The following CTNNA3 variants were observed in gnomAD, a reference collection of about 807,000 sequenced individuals.
CTNNA3 encodes catenin alpha 3, also known as catenin alpha-3.
Under a neutral mutation model 95.7 loss-of-function variants are expected in CTNNA3, and 76 were observed. The ratio of observed to expected loss-of-function variants is 0.79; its 90% CI spans 0.66 to 0.96. CTNNA3 has a LOEUF of 0.96. Ranked by LOEUF, CTNNA3 falls within the 40% of genes least tolerant of loss-of-function variation. The pLI is 0.00. For missense variants in CTNNA3, 1,191 were observed against 1,089.8 expected, an observed-to-expected ratio of 1.09 and a Z score of -1.31; for synonymous variants, 431 against 374.4, an observed-to-expected ratio of 1.15 and a Z score of -1.74.
At chr10:66,663,676 G>A (rs1405575408) in intron 9 of CTNNA3, among the ~76,000 whole-genome samples, 2 of 152,050 alleles carry the variant, frequency 1.3e-5, no homozygotes, top group Non-Finnish European at 2.9e-5. Flanking sequence ...TCTATTGCTA[G>A]TGTTGAAAGA....
At chr10:66,780,250 C>T (rs980080454) in intron 7 of CTNNA3, among the ~76,000 whole-genome samples, 10 of 151,936 alleles carry the variant, frequency 6.6e-5, no homozygotes, top group Admixed American at 2.0e-4. Context: ...TATATCAAAC[C>T]GGCTGTGGAG....
At chr10:66,599,420 G>T (rs1843839492) in intron 10 of CTNNA3, among the ~76,000 whole-genome samples, 1 of 151,938 alleles carries the variant, frequency 6.6e-6, no homozygotes. Flanking sequence ...AGACAGTTTT[G>T]CAGTCATGGC....
intron 2 of CTNNA3, among the ~76,000 whole-genome samples, chr10:67,632,126 C>CCACACACACACACACA (rs71006156): frequency 2.9e-4 from 41 of 139,066 alleles, no homozygotes; most frequent in African/African-American, 1.1e-3. Context: ...AGTGTCTTAG[C>CCACACACACACACACA]CACACACACA....
intron 9 of CTNNA3, among the ~76,000 whole-genome samples, chr10:66,759,452 A>G (rs559214361): frequency 4.6e-5 from 7 of 152,258 alleles, no homozygotes; most frequent in South Asian, 2.1e-4. Flanking sequence ...ACATTTCAAG[A>G]TTTTCTATGG....
chr10:67,692,138 G>A (rs1840876699), intron 1 of CTNNA3, among the ~76,000 whole-genome samples: 1 of 151,302 alleles, frequency 6.6e-6, no homozygotes, highest in African/African-American at 2.4e-5. Context: ...CCCCTGCCCG[G>A]CCAGCCGCCC....
At chr10:65,936,585 T>C (rs1447688150) in intron 17 of CTNNA3, among the ~76,000 whole-genome samples, 1 of 152,104 alleles carries the variant, frequency 6.6e-6, no homozygotes, top group Non-Finnish European at 1.5e-5. Context: ...TATTTCCAAT[T>C]GCCTTTTGGA....
intron 1 of CTNNA3, among the ~76,000 whole-genome samples, chr10:67,708,406 T>C (rs1172458993): frequency 2.0e-5 from 3 of 152,170 alleles, no homozygotes; most frequent in South Asian, 2.1e-4. Context: ...CCATCTTGTA[T>C]TGATGGTTCT....
chr10:65,944,525 G>A (rs1238363158), intron 17 of CTNNA3, among the ~76,000 whole-genome samples: 1 of 152,212 alleles, frequency 6.6e-6, no homozygotes, highest in African/African-American at 2.4e-5. Context: ...ATGAACCATG[G>A]ATGAGCATAA....
intron 11 of CTNNA3, among the ~76,000 whole-genome samples, chr10:66,517,441 C>T (rs1840900945): frequency 6.6e-6 from 1 of 151,944 alleles, no homozygotes; most frequent in Non-Finnish European, 1.5e-5. Flanking sequence ...AGTAAAGAAG[C>T]CGGCTAAATC....
At chr10:66,918,303 G>C (rs1846599462) in intron 7 of CTNNA3, among the ~76,000 whole-genome samples, 1 of 152,188 alleles carries the variant, frequency 6.6e-6, no homozygotes, top group African/African-American at 2.4e-5. Context: ...AACCAATAAA[G>C]TTCTCAAACT....
At chr10:67,116,997 T>G (rs1349937427) in intron 7 of CTNNA3, among the ~76,000 whole-genome samples, 1 of 151,680 alleles carries the variant, frequency 6.6e-6, no homozygotes, top group African/African-American at 2.4e-5. Flanking sequence ...TAGCTGATGG[T>G]GTAAAAGAGG....
chr10:67,714,467 T>C (rs965417458), intron 1 of CTNNA3, among the ~76,000 whole-genome samples: 4 of 152,220 alleles, frequency 2.6e-5, no homozygotes, highest in African/African-American at 7.2e-5. Flanking sequence ...ATTTCTCCCA[T>C]TTGGAATGGC....
At chr10:67,725,342 A>T (rs184371995) in intron 1 of CTNNA3, among the ~76,000 whole-genome samples, 1 of 151,986 alleles carries the variant, frequency 6.6e-6, no homozygotes, top group Admixed American at 6.6e-5. Flanking sequence ...ACGCCCAGCT[A>T]ATTTTTTTGT....
chr10:67,432,190 G>A (rs1846130902), intron 5 of CTNNA3, among the ~76,000 whole-genome samples: 1 of 151,164 alleles, frequency 6.6e-6, no homozygotes, highest in African/African-American at 2.4e-5. Flanking sequence ...TTTAAAACTA[G>A]AAAAAAATCA....
intron 5 of CTNNA3, among the ~76,000 whole-genome samples, chr10:67,337,428 G>C (rs543204314): frequency 2.0e-5 from 3 of 152,246 alleles, no homozygotes; most frequent in African/African-American, 7.2e-5. Flanking sequence ...CAAGAAAGTA[G>C]TTTCTTGAGA....
chr10:67,700,483 T>C (rs1219691308), upstream of CTNNA3, among the ~76,000 whole-genome samples: 4 of 152,120 alleles, frequency 2.6e-5, no homozygotes, highest in African/African-American at 9.7e-5. Flanking sequence ...ATCCGCTGTT[T>C]TGCAATCTCC....
At chr10:67,742,094 T>C (rs954606367) in intron 1 of CTNNA3, among the ~76,000 whole-genome samples, 7 of 150,944 alleles carry the variant, frequency 4.6e-5, no homozygotes, top group Non-Finnish European at 1.0e-4. Context: ...ATTAGACAGA[T>C]CAACGAGACA....
chr10:66,193,637 G>A (rs1322514478), intron 13 of CTNNA3, among the ~76,000 whole-genome samples: 1 of 152,140 alleles, frequency 6.6e-6, no homozygotes, highest in African/African-American at 2.4e-5. Flanking sequence ...CAGTATAGAT[G>A]TGAACCTTAT....
intron 4 of CTNNA3, among the ~76,000 whole-genome samples, chr10:67,530,299 GA>G (rs1290885483): frequency 5.9e-5 from 9 of 152,254 alleles, no homozygotes; most frequent in Non-Finnish European, 7.3e-5. Flanking sequence ...GAAAATGTGG[GA>G]AGGTCTGGAA....
Sources: allele counts gnomAD v4.1 joint callset (sites outside exome capture counted in the v4.1 genomes callset), GRCh38; gene constraint gnomAD v4.1.1; transcripts MANE v1.5; gene names NCBI Gene and HGNC (gene_info 2026-07-23, HGNC 2026-07-21).